The following XKR6 variants were observed in gnomAD, a reference collection of about 807,000 sequenced individuals.
XKR6 encodes XK-related protein 6.
In XKR6, 22 loss-of-function variants were observed where a neutral mutation model predicts 56.7. That is an observed-to-expected ratio of 0.39 (90% CI 0.28 to 0.55). The LOEUF is 0.55. Among genes scored for constraint, XKR6 ranks in the 20% least tolerant of loss-of-function variants. The pLI is 0.66. For synonymous variants in XKR6, 524 were observed against 387.8 expected (o/e 1.35, Z -4.13); for missense variants, 852 against 889.0 (o/e 0.96, Z 0.53).
At position 10,928,443 on chromosome 8, in the gene XKR6, G is replaced by A. The variant is rs1401875658; in HGVS notation, c.765-3613C>T. On this transcript the variant is annotated intron_variant, in intron 1 of 2. Coordinates refer to ENST00000416569, the MANE Select transcript of XKR6 (RefSeq NM_173683.4). Reference sequence around the variant, plus strand: ...TGGGTGGGGTGGGAGGAAGGCATAAGCCATGTCCCCCCTAAACCCCTGGGC... The same window carrying A: ...TGGGTGGGGTGGGAGGAAGGCATAAACCATGTCCCCCCTAAACCCCTGGGC... 1.3e-5 allele frequency among the ~76,000 whole-genome samples: 2 copies of A among 152,242 alleles called. 1 individual carries two copies. The highest frequency in any genetic ancestry group is 4.1e-4 in the South Asian group (2 of 4,834).
chr8:10,959,270 C>T (rs574760279), intron 1 of XKR6, among the ~76,000 whole-genome samples: 134 of 152,242 alleles, frequency 8.8e-4, no homozygotes, highest in African/African-American at 2.6e-3. Flanking sequence ...TGAGTCCCCT[C>T]GGCTTGCCAT....
intron 1 of XKR6, among the ~76,000 whole-genome samples, chr8:11,189,954 C>T (rs1372435606): frequency 2.0e-5 from 3 of 152,014 alleles, no homozygotes; most frequent in African/African-American, 4.8e-5. Context: ...GTCAGCAGTT[C>T]GAGACCAGCC....
intron 1 of XKR6, among the ~76,000 whole-genome samples, chr8:11,198,419 T>G (rs1297425754): frequency 6.6e-6 from 1 of 151,818 alleles, no homozygotes; most frequent in Non-Finnish European, 1.5e-5. Flanking sequence ...TAGGAAATAT[T>G]TAGAGATATA....
chr8:11,091,324 G>A (rs1045233411), intron 1 of XKR6, among the ~76,000 whole-genome samples: 1 of 152,040 alleles, frequency 6.6e-6, no homozygotes, highest in African/African-American at 2.4e-5. Context: ...CACAGTCCCA[G>A]CTACTTGGAA....
intron 1 of XKR6, among the ~76,000 whole-genome samples, chr8:11,158,427 G>C (rs1801633019): frequency 6.6e-6 from 1 of 152,214 alleles, no homozygotes; most frequent in Admixed American, 6.5e-5. Context: ...ACAGCTGAAA[G>C]TGCTAGGCAG....
At chr8:11,089,347 G>T (rs1256589504) in intron 1 of XKR6, among the ~76,000 whole-genome samples, 1 of 152,206 alleles carries the variant, frequency 6.6e-6, no homozygotes, top group Non-Finnish European at 1.5e-5. Flanking sequence ...TAAAAATGAA[G>T]TAGTCTGGGC....
At chr8:11,146,496 G>A (rs1040911206) in intron 1 of XKR6, among the ~76,000 whole-genome samples, 1 of 152,130 alleles carries the variant, frequency 6.6e-6, no homozygotes, top group Admixed American at 6.5e-5. Context: ...GAGCATGGTG[G>A]CATGTGCCTG....
At chr8:11,039,599 G>A (rs1191767446) in intron 1 of XKR6, among the ~76,000 whole-genome samples, 4 of 152,198 alleles carry the variant, frequency 2.6e-5, no homozygotes, top group Admixed American at 2.6e-4. Context: ...CAACGTCCAG[G>A]GTGGATGGAA....
intron 1 of XKR6, among the ~76,000 whole-genome samples, chr8:11,062,468 C>G (rs1481664611): frequency 6.6e-6 from 1 of 152,170 alleles, no homozygotes; most frequent in Non-Finnish European, 1.5e-5. Flanking sequence ...GCACACACAC[C>G]AATACATCCA....
At chr8:10,944,592 G>A (rs6988281) in intron 1 of XKR6, among the ~76,000 whole-genome samples, 38,820 of 152,038 alleles carry the variant, frequency 0.26, 7,686 homozygotes, top group African/African-American at 0.56. Context: ...TGCAGAAATA[G>A]TGCACCCATG....
In XKR6 at chr8:10,956,904, G is replaced by C. The variant is rs188720925; in HGVS notation, c.765-32074C>G. On this transcript the variant is annotated intron_variant, in intron 1 of 2. Transcript: ENST00000416569. ...AGAGCTTCCTTAAAATGTGTACCCT[G>C]GCACCTTGCTTTTCTTACCCTAGTC... Among the ~76,000 whole-genome samples the C allele has an allele frequency of 5.9e-5, 9 of 152,248 alleles. No individual in the cohort carries two copies. The East Asian group carries it at 1.7e-3, about 29-fold the overall frequency.
intron 1 of XKR6, among the ~76,000 whole-genome samples, chr8:10,934,882 C>T (rs1270933655): frequency 2.9e-5 from 4 of 136,712 alleles, no homozygotes; most frequent in East Asian, 1.9e-4. Flanking sequence ...TGTCTCTGCC[C>T]GGCTTTGGTA....
chr8:11,113,327 A>T (rs374611874), intron 1 of XKR6, among the ~76,000 whole-genome samples: 3 of 152,328 alleles, frequency 2.0e-5, no homozygotes, highest in East Asian at 3.9e-4. Context: ...CTACCTCAAC[A>T]TATTTAAAAG....
At chr8:11,117,779 T>C (rs1282780730) in intron 1 of XKR6, among the ~76,000 whole-genome samples, 1 of 152,012 alleles carries the variant, frequency 6.6e-6, no homozygotes, top group Non-Finnish European at 1.5e-5. Context: ...TTCTAGTAAA[T>C]ATTAATATGA....
chr8:10,961,519 C>G (rs1257890081), intron 1 of XKR6, among the ~76,000 whole-genome samples: 1 of 152,216 alleles, frequency 6.6e-6, no homozygotes. Flanking sequence ...TCAGAGTGAA[C>G]ACACAGTCCA....
chr8:11,099,316 T>C (rs1798380120), intron 1 of XKR6, among the ~76,000 whole-genome samples: 1 of 152,254 alleles, frequency 6.6e-6, no homozygotes, highest in African/African-American at 2.4e-5. Flanking sequence ...ACACCATTGC[T>C]GCTGCCCAAT....
chr8:11,098,820 G>A (rs1177420832), intron 1 of XKR6, among the ~76,000 whole-genome samples: 1 of 152,134 alleles, frequency 6.6e-6, no homozygotes, highest in Non-Finnish European at 1.5e-5. Context: ...AGTGGGGCTA[G>A]GAGGGAGAAA....
chr8:11,015,202 T>A (rs2129146958), intron 1 of XKR6, among the ~76,000 whole-genome samples: 1 of 152,232 alleles, frequency 6.6e-6, no homozygotes, highest in Middle Eastern at 3.4e-3. Context: ...GCACTTTTTT[T>A]TTTTTTTTAA....
intron 1 of XKR6, among the ~76,000 whole-genome samples, chr8:11,095,916 AAACT>A (rs1222629087): frequency 6.6e-6 from 1 of 152,248 alleles, no homozygotes; most frequent in East Asian, 1.9e-4. Context: ...TCTATGATTA[AAACT>A]AACTTTAATT....
Sources: allele counts gnomAD v4.1 joint callset (sites outside exome capture counted in the v4.1 genomes callset), GRCh38; gene constraint gnomAD v4.1.1; transcripts MANE v1.5; gene names NCBI Gene and HGNC (gene_info 2026-07-23, HGNC 2026-07-21).